The following ADAMTSL1 variants were observed in gnomAD, a reference collection of about 807,000 sequenced individuals.
ADAMTSL1 encodes the protein ADAMTS like 1.
A neutral mutation model predicts 201.8 loss-of-function variants in ADAMTSL1; 126 were observed. That is an observed-to-expected ratio of 0.62 (90% CI 0.54 to 0.72). The LOEUF (loss-of-function observed/expected upper bound fraction) is 0.72, where lower values mean the gene tolerates loss of function less well. Among genes scored for constraint, ADAMTSL1 ranks in the 30% least tolerant of loss-of-function variants. The pLI, the probability that ADAMTSL1 is intolerant of heterozygous loss-of-function variation, is 0.00. For missense variants in ADAMTSL1, 2,679 were observed against 2,277.8 expected, an observed-to-expected ratio of 1.18 and a Z score of -3.59; for synonymous variants, 1,121 against 903.4, an observed-to-expected ratio of 1.24 and a Z score of -4.32.
intron 1 of ADAMTSL1, among the ~76,000 whole-genome samples, chr9:18,481,534 T>C (rs977598415): frequency 6.6e-6 from 1 of 152,030 alleles, no homozygotes; most frequent in African/African-American, 2.4e-5. Flanking sequence ...AAAACACAAC[T>C]CTTCTGTAGG....
rs528753456 is a variant in ADAMTSL1 at position 18,829,982 on chromosome 9, G to A, written c.4249+5G>A. 5 of 1,605,512 alleles carry A rather than the reference G, an allele frequency of 3.1e-6. No homozygotes were observed. In the South Asian group the frequency reaches 5.6e-5, roughly 18 times the overall value. On this transcript the variant is annotated splice_donor_5th_base_variant and intron_variant, in intron 23 of 28. Coordinates refer to ENST00000380548, the MANE Select transcript of ADAMTSL1 (RefSeq NM_001040272.6). ...CTGGGAATTCTGCTCTCCTTGGTGAGTCTAACCCTCGGAAACATTGGGCAG... is the reference window on the plus strand; with the variant it reads ...CTGGGAATTCTGCTCTCCTTGGTGAATCTAACCCTCGGAAACATTGGGCAG...
intron 1 of ADAMTSL1, among the ~76,000 whole-genome samples, chr9:18,038,008 A>G (rs1186371393): frequency 6.6e-6 from 1 of 152,144 alleles, no homozygotes; most frequent in African/African-American, 2.4e-5. Context: ...TTTTTATTTC[A>G]GTGATCGTGA....
At chr9:18,591,882 G>A (rs936540045) in intron 4 of ADAMTSL1, among the ~76,000 whole-genome samples, 2 of 152,168 alleles carry the variant, frequency 1.3e-5, no homozygotes, top group Admixed American at 6.5e-5. Flanking sequence ...AAAAGTTATC[G>A]AGATGCTTGA....
chr9:18,035,527 A>G (rs1821158418), intron 1 of ADAMTSL1, among the ~76,000 whole-genome samples: 1 of 152,114 alleles, frequency 6.6e-6, no homozygotes, highest in African/African-American at 2.4e-5. Flanking sequence ...TATACAATTT[A>G]CTTCCTCACC....
intron 2 of ADAMTSL1, among the ~76,000 whole-genome samples, chr9:18,529,931 T>C (rs1186153339): frequency 2.6e-5 from 4 of 152,206 alleles, no homozygotes; most frequent in Non-Finnish European, 5.9e-5. Flanking sequence ...TGTTTTGTTT[T>C]GCTTTTCCTA....
At chr9:18,835,785 G>A (rs1037502431) in intron 23 of ADAMTSL1, among the ~76,000 whole-genome samples, 1 of 152,024 alleles carries the variant, frequency 6.6e-6, no homozygotes, top group Non-Finnish European at 1.5e-5. Context: ...GCATTATCCT[G>A]CTTAGGATAA....
intron 1 of ADAMTSL1, among the ~76,000 whole-genome samples, chr9:17,948,180 A>G (rs1416695996): frequency 6.6e-6 from 1 of 152,228 alleles, no homozygotes; most frequent in Non-Finnish European, 1.5e-5. Context: ...ATTACAAAGC[A>G]TTACCAAAAA....
chr9:18,647,743 T>G (rs1431061651), intron 7 of ADAMTSL1, among the ~76,000 whole-genome samples: 3 of 151,838 alleles, frequency 2.0e-5, no homozygotes, highest in Non-Finnish European at 4.4e-5. Flanking sequence ...TGCACTGTGG[T>G]CTGAGAGACA....
At chr9:18,435,537 T>A (rs1443615030) in intron 2 of ADAMTSL1, among the ~76,000 whole-genome samples, 1 of 152,112 alleles carries the variant, frequency 6.6e-6, no homozygotes, top group Non-Finnish European at 1.5e-5. Flanking sequence ...TCTGATCGAT[T>A]TGGTTAGCTA....
intron 19 of ADAMTSL1, among the ~76,000 whole-genome samples, chr9:18,779,281 T>C (rs1470476790): frequency 6.6e-6 from 1 of 152,214 alleles, no homozygotes; most frequent in African/African-American, 2.4e-5. Flanking sequence ...CTTTTGTCCA[T>C]CCTGCACACA....
chr9:17,916,177 T>C (rs942529965), intron 1 of ADAMTSL1, among the ~76,000 whole-genome samples: 14 of 152,220 alleles, frequency 9.2e-5, no homozygotes, highest in African/African-American at 3.1e-4. Context: ...CACTTCAGCC[T>C]CCCAAAGTAC....
Position 18,681,616 on chromosome 9 carries a change from G to A in ADAMTSL1, c.1342-196G>A, listed in dbSNP as rs996010445. Reference sequence around the variant, plus strand: ...AATTGAAAGTGATTTAATTTTCAGCGAGCTTCACCTCAAATAGCCAAATAG... The same window carrying A: ...AATTGAAAGTGATTTAATTTTCAGCAAGCTTCACCTCAAATAGCCAAATAG... On this transcript the variant is annotated intron_variant, in intron 11 of 28. Coordinates refer to ENST00000380548, the MANE Select transcript of ADAMTSL1 (RefSeq NM_001040272.6). The A allele has an allele frequency of 3.0e-5, 11 of 366,278 alleles. No individual in the cohort carries two copies. In the East Asian group the frequency reaches 3.1e-4, roughly 10 times the overall value. The allele number at this position is 366,278 out of a possible 1,614,324, so 22.7% of individuals were successfully genotyped here. A position where few individuals can be genotyped will look rare whatever the true frequency, so the allele number is the denominator to read the frequency against.
intron 2 of ADAMTSL1, among the ~76,000 whole-genome samples, chr9:18,340,203 G>C (rs961139582): frequency 6.6e-6 from 1 of 152,060 alleles, no homozygotes; most frequent in African/African-American, 2.4e-5. Flanking sequence ...CTATCTTGTT[G>C]GCAGGTATCT....
At chr9:18,557,628 T>G (rs1418193372) in intron 3 of ADAMTSL1, among the ~76,000 whole-genome samples, 1 of 151,938 alleles carries the variant, frequency 6.6e-6, no homozygotes, top group East Asian at 1.9e-4. Flanking sequence ...CTGCAGACAA[T>G]ATCAAGTGGT....
chr9:18,038,434 G>T (rs1400394439), intron 1 of ADAMTSL1, among the ~76,000 whole-genome samples: 1 of 152,100 alleles, frequency 6.6e-6, no homozygotes, highest in Non-Finnish European at 1.5e-5. Context: ...GAAAGATCAA[G>T]GAGAAACTTT....
At chr9:17,930,496 G>T (rs1369376382) in intron 1 of ADAMTSL1, among the ~76,000 whole-genome samples, 1 of 152,088 alleles carries the variant, frequency 6.6e-6, no homozygotes, top group Non-Finnish European at 1.5e-5. Context: ...CTCCCAGCAA[G>T]GGAGGCTGGG....
chr9:18,305,922 C>T (rs1833890855), intron 2 of ADAMTSL1, among the ~76,000 whole-genome samples: 1 of 152,060 alleles, frequency 6.6e-6, no homozygotes, highest in African/African-American at 2.4e-5. Context: ...AGAGACACCT[C>T]CCAGCAGGGC....
At chr9:18,132,479 A>G (rs1196574674) in intron 1 of ADAMTSL1, among the ~76,000 whole-genome samples, 1 of 152,160 alleles carries the variant, frequency 6.6e-6, no homozygotes, top group African/African-American at 2.4e-5. Context: ...ATATCAGAAT[A>G]TCAGCATTTA....
At chr9:18,786,743 C>T (rs1225507817) in intron 19 of ADAMTSL1, among the ~76,000 whole-genome samples, 3 of 152,148 alleles carry the variant, frequency 2.0e-5, no homozygotes, top group Non-Finnish European at 4.4e-5. Flanking sequence ...AGGAAAACAG[C>T]GTGATGGAGA....
Sources: allele counts gnomAD v4.1 joint callset (sites outside exome capture counted in the v4.1 genomes callset), GRCh38; gene constraint gnomAD v4.1.1; transcripts MANE v1.5; gene names NCBI Gene and HGNC (gene_info 2026-07-23, HGNC 2026-07-21).